ELN: variants seen among roughly 807,000 people sequenced by gnomAD.
The protein encoded by ELN is elastin.
A neutral mutation model predicts 105.8 loss-of-function variants in ELN; 65 were observed. The observed-to-expected ratio is 0.61, with a 90% CI of 0.50 to 0.75. The LOEUF is 0.75. Among genes scored for constraint, ELN ranks in the 30% least tolerant of loss-of-function variants. The pLI, the probability that ELN is intolerant of heterozygous loss-of-function variation, is 0.00. For missense variants in ELN, 882 were observed against 969.4 expected, an observed-to-expected ratio of 0.91 and a Z score of 1.20; for synonymous variants, 368 against 389.2, an observed-to-expected ratio of 0.95 and a Z score of 0.64.
At chr7:74,037,032 G>A (rs1790124227) in intron 3 of ELN, among the ~76,000 whole-genome samples, 1 of 151,782 alleles carries the variant, frequency 6.6e-6, no homozygotes, top group Admixed American at 6.6e-5. Flanking sequence ...TGTTGGCCAG[G>A]CTGGTCTCGA....
At chr7:74,052,063 G>A in intron 17 of ELN, 80 bp downstream of exon 17, 1 of 1,554,400 alleles carries the variant, frequency 6.4e-7, no homozygotes, top group Non-Finnish European at 8.8e-7. Flanking sequence ...AAGCCAGATG[G>A]ACTTGGCCTT....
rs1789657260 is a variant in ELN at position 74,035,356 on chromosome 7, C to G, written c.83-8C>G. ...CCTGGAGGACTGACTCTACCTGTTTCCTTTCAGGGGTCCCTGGGGCCATTC... is the reference window on the plus strand; with the variant it reads ...CCTGGAGGACTGACTCTACCTGTTTGCTTTCAGGGGTCCCTGGGGCCATTC... On this transcript the variant is annotated splice_region_variant and splice_polypyrimidine_tract_variant and intron_variant, in intron 1 of 32. Transcript: ENST00000252034. 6.2e-7 allele frequency: 1 copy of G among 1,613,886 alleles called. No homozygotes were observed. The highest frequency in any genetic ancestry group is 1.3e-5 in the African/African-American group (1 of 74,890).
chr7:74,028,600 G>A (rs983915140), intron 1 of ELN, among the ~76,000 whole-genome samples: 2 of 152,172 alleles, frequency 1.3e-5, no homozygotes, highest in Admixed American at 1.3e-4. Context: ...AGGGCCCAGC[G>A]GGAACCCCTG....
In ELN at chr7:74,047,669, C is replaced by T. The variant is rs781920325; in HGVS notation, c.644-6C>T. On this transcript the variant is annotated splice_polypyrimidine_tract_variant and splice_region_variant and intron_variant, in intron 12 of 32. Transcript: ENST00000252034. The stretch of plus-strand genomic sequence containing the variant: ...AGCCCCTGAGTTTGCTCTGTCCTCT[C>T]TCCAGGTGGCTATGGACTGCCCTAC... 3.2e-5 allele frequency: 52 copies of T among 1,614,094 alleles called. No individual in the cohort carries two copies. Among genetic ancestry groups the T allele is most frequent in the Non-Finnish European group, 4.2e-5 (50 of 1,180,030 alleles).
chr7:74,044,053 C>G, intron 9 of ELN, 133 bp downstream of exon 9: 1 of 1,236,034 alleles, frequency 8.1e-7, no homozygotes, highest in Non-Finnish European at 1.1e-6. Flanking sequence ...TGAGACCAGC[C>G]TGGGCATCAT....
chr7:74,055,469 T>A (rs1795029598), intron 19 of ELN, among the ~76,000 whole-genome samples: 1 of 151,864 alleles, frequency 6.6e-6, no homozygotes, highest in African/African-American at 2.4e-5. Context: ...AATTTTAATT[T>A]TTTTTTCTTT....
At chr7:74,039,873 G>C (rs1281576080) in intron 4 of ELN, among the ~76,000 whole-genome samples, 1 of 152,232 alleles carries the variant, frequency 6.6e-6, no homozygotes, top group Admixed American at 6.5e-5. Context: ...GCTCATGGAG[G>C]CTGGGTAGCA....
rs148834398 is a variant in ELN at position 74,038,113 on chromosome 7, G to A, written c.196+374G>A. 5.1e-4 allele frequency: 179 copies of A among 347,716 alleles called. 1 individual carries two copies. In the East Asian group the frequency reaches 0.012, roughly 24 times the overall value. The allele number at this position is 347,716 out of a possible 1,614,324, so 21.5% of individuals were successfully genotyped here. ...GGCCTCCAAGCCTTACATGACCCTC[G>A]GGAGCTCAGACACAGATCCTCAGCC... On this transcript the variant is annotated intron_variant, in intron 4 of 32. Coordinates refer to ENST00000252034, the MANE Select transcript of ELN (RefSeq NM_000501.4).
intron 31 of ELN, among the ~76,000 whole-genome samples, 159 bp downstream of exon 31, chr7:74,066,156 C>T (rs1483335399): frequency 5.3e-5 from 8 of 152,210 alleles, no homozygotes; most frequent in African/African-American, 1.9e-4. Flanking sequence ...ACTGGGCAAA[C>T]GGGCAAGCTA....
chr7:74,042,553 G>T, intron 5 of ELN, 61 bp from the exon 6 acceptor site: 1 of 1,506,992 alleles, frequency 6.6e-7, no homozygotes, highest in Non-Finnish European at 9.2e-7. Context: ...GGCAGGGCCA[G>T]AGCGTAGGAG....
intron 12 of ELN, 74 bp from the exon 13 acceptor site, chr7:74,047,600 GA>G (rs782686392): frequency 6.2e-6 from 10 of 1,602,238 alleles, no homozygotes; most frequent in Non-Finnish European, 8.6e-6. Context: ...TGTGGGGGTA[GA>G]TCTGTCCACC....
At chr7:74,035,076 G>A (rs1789587883) in intron 1 of ELN, among the ~76,000 whole-genome samples, 1 of 152,222 alleles carries the variant, frequency 6.6e-6, no homozygotes, top group Admixed American at 6.5e-5. Context: ...ACTCCAGCCT[G>A]GGTGAAAGGC....
intron 1 of ELN, among the ~76,000 whole-genome samples, chr7:74,035,117 A>G (rs1425395310): frequency 6.6e-6 from 1 of 152,186 alleles, no homozygotes; most frequent in Non-Finnish European, 1.5e-5. Flanking sequence ...AAACAAAACA[A>G]AATGATGATA....
At position 74,068,932 on chromosome 7, in the gene ELN, C is replaced by T. The variant is rs1798565098; in HGVS notation, c.*232C>T. The T allele has an allele frequency of 3.4e-6, 2 of 585,514 alleles. No individual in the cohort carries two copies. The highest frequency in any genetic ancestry group is 6.1e-6 in the Non-Finnish European group (2 of 325,586). 36.3% of individuals were successfully genotyped at this position (585,514 alleles called of 1,614,324 possible). Reference sequence around the variant, plus strand: ...GAGGCAAGGGCCATGTGGTCCTGGCCCCCCACCCCATCCCTTCCCACCTAG... The same window carrying T: ...GAGGCAAGGGCCATGTGGTCCTGGCTCCCCACCCCATCCCTTCCCACCTAG... On this transcript the variant is annotated 3_prime_UTR_variant, in exon 33 of 33. Coordinates refer to ENST00000252034, the MANE Select transcript of ELN (RefSeq NM_000501.4).
chr7:74,029,732 TCCCCAGGTGTAGC>T (rs1290748238), intron 1 of ELN, among the ~76,000 whole-genome samples: 1 of 152,148 alleles, frequency 6.6e-6, no homozygotes, highest in Non-Finnish European at 1.5e-5. Flanking sequence ...CTCAGCCTCC[TCCCCAGGTGTAGC>T]CCCCAAACAC....
chr7:74,028,391 G>A (rs1554660254), intron 1 of ELN, 122 bp downstream of exon 1: 3 of 1,169,016 alleles, frequency 2.6e-6, no homozygotes, highest in Admixed American at 4.2e-5. Context: ...CCAGGTGGGA[G>A]CCCCTCAGCC....
chr7:74,056,862 C>T, intron 21 of ELN, 149 bp downstream of exon 21: 1 of 1,001,798 alleles, frequency 1.0e-6, no homozygotes, highest in Non-Finnish European at 1.5e-6. Flanking sequence ...CAAAGCCACA[C>T]TCCACTCTTA....
rs782098841 is a variant in ELN, at chr7:74,035,483, T to A, written c.133+69T>A. The A allele has an allele frequency of 8.2e-6, 13 of 1,578,460 alleles. No individual in the cohort carries two copies. The East Asian group carries it at 2.7e-4, about 33-fold the overall frequency. On this transcript the variant is annotated intron_variant, in intron 2 of 32. Transcript: ENST00000252034. The stretch of plus-strand genomic sequence containing the variant: ...TGCTGATGTCCATAATAGATGCACA[T>A]TTTGACACTACAGAAGGTAGGAACA...
chr7:74,044,706 G>A (rs1171603432), intron 9 of ELN, among the ~76,000 whole-genome samples: 1 of 152,218 alleles, frequency 6.6e-6, no homozygotes, highest in Non-Finnish European at 1.5e-5. Flanking sequence ...TTTGCTGATG[G>A]AGTGGCCCTT....
Sources: gnomAD v4.1 joint callset for allele counts (sites outside exome capture counted in the v4.1 genomes callset) on GRCh38, gnomAD v4.1.1 for gene constraint, MANE v1.5 for transcripts, NCBI Gene and HGNC (gene_info 2026-07-23, HGNC 2026-07-21) for gene names.